LRRC69: variants seen among roughly 807,000 people sequenced by gnomAD.
The protein encoded by LRRC69 is leucine-rich repeat-containing protein 69.
LRRC69 carries 42 observed loss-of-function variants against 37.8 expected under a neutral mutation model. That is an observed-to-expected ratio of 1.11 (90% CI 0.87 to 1.44). The LOEUF is 1.44. LRRC69 is among the 40% of genes most tolerant of loss of function. The probability of loss-of-function intolerance (pLI) is 0.00; values close to 1 mark genes in which losing one functional copy is unlikely to be tolerated. For missense variants in LRRC69, 357 were observed against 401.9 expected (o/e 0.89, Z 0.96); for synonymous variants, 141 against 143.1 (o/e 0.99, Z 0.11).
chr8:91,130,782 CAT>C (rs1363330728), intron 3 of LRRC69: 6 of 151,796 alleles, frequency 4.0e-5, no homozygotes, highest in Non-Finnish European at 7.4e-5. Context: ...ATTTATTTCT[CAT>C]AGTTCTGGAA....
chr8:91,204,084 T>C (rs1199424599), intron 7 of LRRC69, among the ~76,000 whole-genome samples: 1 of 144,838 alleles, frequency 6.9e-6, no homozygotes, highest in East Asian at 2.1e-4. Context: ...ATCGTGCCAC[T>C]GCACTCCAGC....
chr8:91,203,544 C>A (rs1435635020), intron 7 of LRRC69, among the ~76,000 whole-genome samples: 6 of 151,666 alleles, frequency 4.0e-5, no homozygotes, highest in Non-Finnish European at 1.5e-5. Context: ...AGGTGGCCAC[C>A]ACCACACCTG....
Position 91,157,751 on chromosome 8 carries a change from T to C in LRRC69, c.651+22012T>C, listed in dbSNP as rs905944157. 11 of 1,607,400 alleles carry C rather than the reference T, an allele frequency of 6.8e-6. No individual in the cohort carries two copies. The Admixed American group carries it at 1.0e-4, about 15-fold the overall frequency. On this transcript the variant is annotated intron_variant, in intron 5 of 7. Transcript: ENST00000448384. ...CAGGTGGCAGTCTGAGGATTCCACCTTCTACCTGGGAGAGAGGACATACTA... is the reference window on the plus strand; with the variant it reads ...CAGGTGGCAGTCTGAGGATTCCACCCTCTACCTGGGAGAGAGGACATACTA...
intron 5 of LRRC69, among the ~76,000 whole-genome samples, chr8:91,144,872 T>G (rs1027708972): frequency 6.6e-6 from 1 of 151,994 alleles, no homozygotes; most frequent in African/African-American, 2.4e-5. Flanking sequence ...CAAAATCAAG[T>G]GAAGAAAACC....
chr8:91,143,382 A>G (rs1563602968), intron 5 of LRRC69, among the ~76,000 whole-genome samples: 1 of 152,126 alleles, frequency 6.6e-6, no homozygotes, highest in Non-Finnish European at 1.5e-5. Flanking sequence ...TGCTAAGAGT[A>G]GACACTTAAG....
At chr8:91,216,623 C>T (rs1041155091) in intron 7 of LRRC69, among the ~76,000 whole-genome samples, 16 of 152,124 alleles carry the variant, frequency 1.1e-4, no homozygotes, top group South Asian at 6.2e-4. Flanking sequence ...TTGGGTGAGA[C>T]GGTTGTCTAG....
At position 91,217,596 on chromosome 8, in the gene LRRC69, G is replaced by A. The variant is rs149573507; in HGVS notation, c.934-1294G>A. 1.9e-4 allele frequency among the ~76,000 whole-genome samples: 29 copies of A among 152,144 alleles called. No homozygotes were observed. The East Asian group carries it at 4.8e-3, about 25-fold the overall frequency. The stretch of plus-strand genomic sequence containing the variant: ...AAGCAATTGAGTCATTGCCTGGGCC[G>A]CAGTTACATGGTCATATATTGAGCC... On this transcript the variant is annotated intron_variant, in intron 7 of 7. Coordinates refer to ENST00000448384, the Ensembl canonical transcript of LRRC69.
chr8:91,112,260 G>C (rs1292922622), intron 1 of LRRC69, among the ~76,000 whole-genome samples: 1 of 151,922 alleles, frequency 6.6e-6, no homozygotes, highest in East Asian at 1.9e-4. Flanking sequence ...TCCAGACCCA[G>C]CTCTGCGGCT....
intron 3 of LRRC69, 92 bp from the exon 4 acceptor site, chr8:91,133,018 T>C: frequency 1.4e-6 from 1 of 693,164 alleles, no homozygotes. Flanking sequence ...AAAAAATAAA[T>C]TGACACATGG....
chr8:91,133,072 A>C (rs1355197693), intron 3 of LRRC69, 38 bp from the exon 4 acceptor site: 2 of 1,266,878 alleles, frequency 1.6e-6, no homozygotes, highest in Non-Finnish European at 2.1e-6. Flanking sequence ...TATTCTTGTG[A>C]GTTTCATTCA....
At chr8:91,175,888 A>G (rs927642243) in intron 5 of LRRC69, among the ~76,000 whole-genome samples, 9 of 151,096 alleles carry the variant, frequency 6.0e-5, no homozygotes, top group African/African-American at 2.2e-4. Context: ...CTCTCTGGAG[A>G]TGATCACTAT....
rs71266165 is a variant in LRRC69, at chr8:91,140,639, A to ATTTT, written c.651+4929_651+4932dup. Among the ~76,000 whole-genome samples the ATTTT allele has an allele frequency of 2.7e-3, 63 of 23,256 alleles. 18 individuals are homozygous for ATTTT. The highest frequency in any genetic ancestry group is 0.012 in the African/African-American group (51 of 4,326). The allele number at this position is 23,256 out of a possible 152,430, so 15.3% of individuals were successfully genotyped here. A position where few individuals can be genotyped will look rare whatever the true frequency, so the allele number is the denominator to read the frequency against. ...TTAAATGAATATTCTTCAATATGTG[A>ATTTT]TTTTTTTTTTTTTTTTTTTTTTTTT... On this transcript the variant is annotated intron_variant, in intron 5 of 7. Coordinates refer to ENST00000448384, the Ensembl canonical transcript of LRRC69.
At chr8:91,162,005 T>C (rs1319486007) in intron 5 of LRRC69, among the ~76,000 whole-genome samples, 3 of 151,478 alleles carry the variant, frequency 2.0e-5, no homozygotes, top group Non-Finnish European at 4.4e-5. Flanking sequence ...CTTAATTTCT[T>C]TATTCACCTT....
chr8:91,149,865 C>T (rs953566995), intron 5 of LRRC69, among the ~76,000 whole-genome samples: 2 of 151,952 alleles, frequency 1.3e-5, no homozygotes, highest in Admixed American at 6.6e-5. Context: ...TGGGAGTTCA[C>T]TCATGATTTG....
chr8:91,196,067 T>C (rs1427699663), intron 6 of LRRC69, among the ~76,000 whole-genome samples: 2 of 152,198 alleles, frequency 1.3e-5, no homozygotes, highest in African/African-American at 2.4e-5. Context: ...CAGCATTTGC[T>C]TGTCTGTAAA....
intron 1 of LRRC69, among the ~76,000 whole-genome samples, chr8:91,108,011 T>A (rs1813348581): frequency 1.3e-5 from 2 of 152,030 alleles, no homozygotes. Context: ...TCCTCACAGG[T>A]AAAACAAATA....
chr8:91,198,300 A>G (rs1050502650), intron 6 of LRRC69, among the ~76,000 whole-genome samples: 5 of 152,192 alleles, frequency 3.3e-5, no homozygotes, highest in African/African-American at 1.2e-4. Flanking sequence ...AACTTTACAG[A>G]TGAGGTGTTC....
At chr8:91,138,185 A>G (rs1256904882) in intron 5 of LRRC69, among the ~76,000 whole-genome samples, 1 of 152,028 alleles carries the variant, frequency 6.6e-6, no homozygotes, top group Non-Finnish European at 1.5e-5. Context: ...TATAAAATAT[A>G]TACCAATAAT....
chr8:91,203,175 T>C (rs1809739416), intron 7 of LRRC69, among the ~76,000 whole-genome samples: 1 of 152,252 alleles, frequency 6.6e-6, no homozygotes, highest in Middle Eastern at 3.4e-3. Context: ...CTGTTAGGCA[T>C]GCTGGGAAGT....
Sources: allele counts gnomAD v4.1 joint callset (sites outside exome capture counted in the v4.1 genomes callset), GRCh38; gene constraint gnomAD v4.1.1; transcripts MANE v1.5; gene names NCBI Gene and HGNC (gene_info 2026-07-23, HGNC 2026-07-21).